TTC39B: variants seen among roughly 807,000 people sequenced by gnomAD.
TTC39B encodes tetratricopeptide repeat protein 39B.
In TTC39B, 92 loss-of-function variants were observed where a neutral mutation model predicts 96.6. The ratio of observed to expected loss-of-function variants is 0.95; its 90% CI spans 0.80 to 1.13. TTC39B has a LOEUF of 1.13. TTC39B is among the 50% of genes most tolerant of loss of function. TTC39B has a pLI of 0.00. For missense variants in TTC39B, 955 were observed against 809.3 expected (o/e 1.18, Z -2.18); for synonymous variants, 367 against 299.4 (o/e 1.23, Z -2.33).
chr9:15,281,094 G>C (rs1017741140), intron 1 of TTC39B, among the ~76,000 whole-genome samples: 3 of 151,610 alleles, frequency 2.0e-5, no homozygotes, highest in Non-Finnish European at 2.9e-5. Flanking sequence ...TAGCCCAGAT[G>C]TCCTTTTATG....
At chr9:15,210,420 C>T (rs1820129048) in intron 5 of TTC39B, among the ~76,000 whole-genome samples, 1 of 152,222 alleles carries the variant, frequency 6.6e-6, no homozygotes, top group South Asian at 2.1e-4. Context: ...TGAAAACTAA[C>T]CTCCAAAGTA....
At chr9:15,301,082 C>A (rs1824570563) in intron 1 of TTC39B, among the ~76,000 whole-genome samples, 1 of 152,104 alleles carries the variant, frequency 6.6e-6, no homozygotes, top group Non-Finnish European at 1.5e-5. Context: ...TCAACTTCCC[C>A]CAAGGCCTTC....
intron 4 of TTC39B, among the ~76,000 whole-genome samples, chr9:15,213,695 A>AG (rs1820336818): frequency 6.6e-6 from 1 of 152,210 alleles, no homozygotes; most frequent in South Asian, 2.1e-4. Flanking sequence ...TTGAAATTAA[A>AG]TTGCTTGTTT....
chr9:15,208,927 A>T (rs909810708), intron 6 of TTC39B, among the ~76,000 whole-genome samples: 2 of 152,210 alleles, frequency 1.3e-5, no homozygotes, highest in African/African-American at 4.8e-5. Context: ...ACACTCAAAA[A>T]TATGTCTGAC....
At chr9:15,227,396 G>T (rs1024136015) in intron 2 of TTC39B, among the ~76,000 whole-genome samples, 3 of 151,502 alleles carry the variant, frequency 2.0e-5, no homozygotes, top group African/African-American at 7.3e-5. Flanking sequence ...ACTTCCCAAT[G>T]CACTCTAATA....
chr9:15,203,223 T>C (rs927082266), intron 7 of TTC39B, among the ~76,000 whole-genome samples: 2 of 152,130 alleles, frequency 1.3e-5, no homozygotes, highest in African/African-American at 2.4e-5. Flanking sequence ...TAAAATTAGA[T>C]GTGACGGTTG....
In TTC39B at chr9:15,218,125, G is replaced by A. The variant is rs10961919; in HGVS notation, c.372-3876C>T. On this transcript the variant is annotated intron_variant, in intron 3 of 19. Transcript: ENST00000512701. ...GCGGAGGTTGCAGTGAGCTGAGATC[G>A]CGCCACTGCATTCCAGTCTGGCAAC... Among the ~76,000 whole-genome samples, 839 of 143,352 alleles carry A rather than the reference G, an allele frequency of 5.9e-3. 7 individuals are homozygous for A. Among genetic ancestry groups the A allele is most frequent in the African/African-American group, 0.021 (795 of 37,858 alleles). The allele number at this position is 143,352 out of a possible 152,430, so 94.0% of individuals were successfully genotyped here.
intron 1 of TTC39B, among the ~76,000 whole-genome samples, chr9:15,278,690 G>C (rs1823640096): frequency 6.6e-6 from 1 of 152,124 alleles, no homozygotes; most frequent in African/African-American, 2.4e-5. Flanking sequence ...TAAATTAAAA[G>C]GAACAGAACT....
intron 6 of TTC39B, among the ~76,000 whole-genome samples, chr9:15,208,328 A>C (rs1819995251): frequency 1.3e-5 from 2 of 151,892 alleles, no homozygotes; most frequent in Non-Finnish European, 2.9e-5. Context: ...CGGCCAAATT[A>C]TTATTATTAT....
intron 1 of TTC39B, among the ~76,000 whole-genome samples, chr9:15,302,801 G>C (rs1319595708): frequency 2.0e-5 from 3 of 151,856 alleles, no homozygotes; most frequent in African/African-American, 7.3e-5. Flanking sequence ...CCGAGATCAT[G>C]CCATTGCACT....
At chr9:15,290,020 C>T (rs933746990) in intron 1 of TTC39B, among the ~76,000 whole-genome samples, 1 of 152,186 alleles carries the variant, frequency 6.6e-6, no homozygotes, top group African/African-American at 2.4e-5. Flanking sequence ...TGACACCTAA[C>T]ACTTGTGCTT....
At chr9:15,270,894 G>A (rs78993143) in intron 1 of TTC39B, among the ~76,000 whole-genome samples, 3,982 of 152,146 alleles carry the variant, frequency 0.026, 170 homozygotes, top group African/African-American at 0.091. Context: ...TTTAAAAAAG[G>A]AAAGGTGAAG....
rs140591972 is a variant in TTC39B, at chr9:15,297,700, C to G, written c.240+9384G>C. 1.0e-3 allele frequency among the ~76,000 whole-genome samples: 156 copies of G among 152,216 alleles called. 1 individual carries two copies. The highest frequency in any genetic ancestry group is 3.4e-3 in the African/African-American group (141 of 41,520). ...ATCATTCAACAAACAAAACAAAACA[C>G]CAGCCTCCGTCACTCTGGGCTTGTC... On this transcript the variant is annotated intron_variant, in intron 1 of 19. Coordinates refer to ENST00000512701, the Ensembl canonical transcript of TTC39B.
chr9:15,302,995 C>A (rs1824649470), intron 1 of TTC39B, among the ~76,000 whole-genome samples: 1 of 152,072 alleles, frequency 6.6e-6, no homozygotes, highest in Non-Finnish European at 1.5e-5. Context: ...TGGTGAAACC[C>A]CGTCTCTACT....
At chr9:15,174,820 G>C (rs1042803043) in intron 19 of TTC39B, among the ~76,000 whole-genome samples, 199 bp downstream of exon 19, 1 of 152,280 alleles carries the variant, frequency 6.6e-6, no homozygotes. Flanking sequence ...CAGTCACAGG[G>C]TGAGGCAGTA....
exon 20 of TTC39B, chr9:15,166,975 C>CT (rs1157315778): frequency 8.5e-5 from 5 of 58,702 alleles, no homozygotes; most frequent in African/African-American, 2.9e-4. Context: ...GTCCACAAAC[C>CT]TTTATTTTAT....
chr9:15,210,921 T>C lies in TTC39B; in HGVS notation c.614+345A>G, dbSNP rs114096053. On this transcript the variant is annotated intron_variant, in intron 5 of 19. Coordinates refer to ENST00000512701, the Ensembl canonical transcript of TTC39B. ...CTTCTTAAACAAATAAAACATTCCCTCATGAATTTGCATCTCCCACTTAAA... is the reference window on the plus strand; with the variant it reads ...CTTCTTAAACAAATAAAACATTCCCCCATGAATTTGCATCTCCCACTTAAA... 2.8e-3 allele frequency among the ~76,000 whole-genome samples: 434 copies of C among 152,292 alleles called. 1 individual carries two copies. The highest frequency in any genetic ancestry group is 0.02 in the Middle Eastern group (6 of 294).
rs146184462 is a variant in TTC39B, at chr9:15,185,597, G to A, written c.1488-191C>T. ...AATCAGCAACTCCAGGGCCGGGGCCGAGCAATCTAGATTTTGATAAGCCCT... is the reference window on the plus strand; with the variant it reads ...AATCAGCAACTCCAGGGCCGGGGCCAAGCAATCTAGATTTTGATAAGCCCT... On this transcript the variant is annotated intron_variant, in intron 15 of 19. Transcript: ENST00000512701. The A allele has an allele frequency of 7.6e-4, 533 of 700,536 alleles. 4 individuals carry two copies. Among genetic ancestry groups the A allele is most frequent in the East Asian group, 5.4e-3 (151 of 28,024 alleles). The allele number at this position is 700,536 out of a possible 1,614,324, so 43.4% of individuals were successfully genotyped here.
chr9:15,234,533 C>A (rs1357771565), intron 2 of TTC39B, among the ~76,000 whole-genome samples: 9 of 151,948 alleles, frequency 5.9e-5, no homozygotes, highest in Non-Finnish European at 1.3e-4. Context: ...GAGGTGTACC[C>A]AACAGCTCAT....
Sources: allele counts gnomAD v4.1 joint callset (sites outside exome capture counted in the v4.1 genomes callset), GRCh38; gene constraint gnomAD v4.1.1; transcripts MANE v1.5; gene names NCBI Gene and HGNC (gene_info 2026-07-23, HGNC 2026-07-21).